POLE: variants seen among roughly 807,000 people sequenced by gnomAD.
POLE encodes DNA polymerase epsilon, catalytic subunit.
A neutral mutation model predicts 279.2 loss-of-function variants in POLE; 188 were observed. The observed-to-expected ratio is 0.67, with a 90% confidence interval of 0.60 to 0.76. The LOEUF (loss-of-function observed/expected upper bound fraction) is 0.76, where lower values mean the gene tolerates loss of function less well. Among genes scored for constraint, POLE ranks in the 30% least tolerant of loss-of-function variants. POLE has a pLI of 0.00. For synonymous variants in POLE, 1,214 were observed against 1,172.5 expected, an observed-to-expected ratio of 1.04 and a Z score of -0.72; for missense variants, 2,703 against 3,016.7, an observed-to-expected ratio of 0.90 and a Z score of 2.44.
chr12:132,635,476 C>T (rs1012440770), intron 42 of POLE, among the ~76,000 whole-genome samples: 1 of 152,240 alleles, frequency 6.6e-6, no homozygotes, highest in African/African-American at 2.4e-5. Context: ...CCACGAAAGC[C>T]GAGGCCCTGC....
intron 12 of POLE, among the ~76,000 whole-genome samples, chr12:132,674,819 C>T (rs1385571080): frequency 6.6e-6 from 1 of 151,316 alleles, no homozygotes; most frequent in Non-Finnish European, 1.5e-5. Flanking sequence ...CCATTCCCTT[C>T]CTTCCCTCCC....
intron 32 of POLE, among the ~76,000 whole-genome samples, chr12:132,647,706 G>T (rs1034730207): frequency 6.6e-6 from 1 of 152,040 alleles, no homozygotes; most frequent in African/African-American, 2.4e-5. Flanking sequence ...GTCATAAAGG[G>T]AAACATCCCA....
rs2138499594 is a variant in POLE at position 132,638,000 on chromosome 12, C to T, written c.5678+14G>A. On this transcript the variant is annotated intron_variant, in intron 41 of 48. Transcript: ENST00000320574. ...AAGCCACAGTGCTGCGTCACCAGGA[C>T]CAGCCAGCCGCACCTGCTGGTGATG... is the stretch of plus-strand genomic sequence containing the variant. 1.2e-6 allele frequency: 2 copies of T among 1,613,230 alleles called. No individual in the cohort carries two copies. The highest frequency in any genetic ancestry group is 1.1e-5 in the South Asian group (1 of 91,022).
intron 45 of POLE, among the ~76,000 whole-genome samples, chr12:132,630,306 A>G (rs1232094569): frequency 6.6e-6 from 1 of 152,226 alleles, no homozygotes; most frequent in Non-Finnish European, 1.5e-5. Flanking sequence ...GAAGCACAAT[A>G]AGACAGGATA....
intron 1 of POLE, among the ~76,000 whole-genome samples, chr12:132,686,806 C>T (rs1181373814): frequency 2.0e-5 from 3 of 152,166 alleles, no homozygotes; most frequent in Non-Finnish European, 2.9e-5. Flanking sequence ...ATCCTGGGCT[C>T]CAGCGATCCG....
In POLE at chr12:132,677,410, CA is replaced by C; in HGVS notation, c.753del (p.Asn251LysfsTer5). On this transcript the variant is annotated frameshift_variant, in exon 8 of 49. Transcript: ENST00000320574. LOFTEE classifies it high-confidence loss of function. Reference sequence around the variant, plus strand: ...CGGCGGGTGATTTCTACCGGAAAAGCATTTCCTCGGTATCTGACATTGTACC... The same window carrying C: ...CGGCGGGTGATTTCTACCGGAAAAGCTTTCCTCGGTATCTGACATTGTACC... ...AHWYNVRYRG[N>X]AFPVEITRRD... The C allele has an allele frequency of 1.9e-6, 3 of 1,614,100 alleles. No individual in the cohort carries two copies. Among genetic ancestry groups the C allele is most frequent in the Non-Finnish European group, 1.7e-6 (2 of 1,179,986 alleles).
chr12:132,626,047 C>A, intron 46 of POLE, 70 bp downstream of exon 46: 1 of 1,439,016 alleles, frequency 6.9e-7, no homozygotes. Context: ...GCTGCAGAAG[C>A]CCTCAAGACA....
At position 132,643,515 on chromosome 12, in the gene POLE, C is replaced by A; in HGVS notation, c.4336G>T (p.Val1446Leu). 1 of 1,614,148 alleles carries A rather than the reference C, an allele frequency of 6.2e-7. No homozygotes were observed. The highest frequency in any genetic ancestry group is 1.1e-5 in the South Asian group (1 of 91,080). ...RALVHLGCVCVVNKQLVRHLS... is the reference protein window; with the variant it reads ...RALVHLGCVCLVNKQLVRHLS... Reference sequence around the variant, plus strand: ...TGCCTCACCAGCTGTTTATTGACCACACACACACAGCCCAGGTGCACCAGG... The same window carrying A: ...TGCCTCACCAGCTGTTTATTGACCAAACACACACAGCCCAGGTGCACCAGG... The change falls in exon 34 of 49, where the codon GTG (valine) becomes TTG (leucine). Residue 1446 changes from valine to leucine, a missense_variant. Coordinates refer to ENST00000320574, the MANE Select transcript of POLE (RefSeq NM_006231.4).
At chr12:132,672,534 G>T in intron 15 of POLE, 93 bp downstream of exon 15, 2 of 1,347,630 alleles carry the variant, frequency 1.5e-6, no homozygotes, top group Non-Finnish European at 2.1e-6. Context: ...GGGACAGGAT[G>T]GGGAGAAGGG....
chr12:132,630,862 T>A (rs998343872), intron 45 of POLE, among the ~76,000 whole-genome samples: 1 of 152,212 alleles, frequency 6.6e-6, no homozygotes. Flanking sequence ...CAGCAACTCT[T>A]GCCACACACT....
At position 132,672,344 on chromosome 12, in the gene POLE, G is replaced by A. The variant is rs200687411; in HGVS notation, c.1687-22C>T. ...GATTCTAGCACAACAGTGAGACGACGGGGTCAGAGGGGAAACACACCCACA... is the reference window on the plus strand; with the variant it reads ...GATTCTAGCACAACAGTGAGACGACAGGGTCAGAGGGGAAACACACCCACA... On this transcript the variant is annotated intron_variant, in intron 15 of 48. Coordinates refer to ENST00000320574, the MANE Select transcript of POLE (RefSeq NM_006231.4). 6.3e-4 allele frequency: 995 copies of A among 1,576,518 alleles called. No individual in the cohort carries two copies. Among genetic ancestry groups the A allele is most frequent in the Middle Eastern group, 1.4e-3 (8 of 5,882 alleles).
chr12:132,640,014 G>A (rs981433959), intron 39 of POLE, among the ~76,000 whole-genome samples: 1 of 152,058 alleles, frequency 6.6e-6, no homozygotes, highest in Non-Finnish European at 1.5e-5. Context: ...ATACCCACAT[G>A]GCCCCAGCTG....
chr12:132,625,392 C>T, intron 47 of POLE: 1 of 746,070 alleles, frequency 1.3e-6, no homozygotes, highest in Non-Finnish European at 2.5e-6. Flanking sequence ...TCCTTCTCTT[C>T]ACACTTGGGA....
chr12:132,683,822 C>G (rs551095154), intron 1 of POLE, among the ~76,000 whole-genome samples: 1 of 152,362 alleles, frequency 6.6e-6, no homozygotes, highest in African/African-American at 2.4e-5. Flanking sequence ...AAACTGCTTT[C>G]TCTGAGCTGT....
chr12:132,647,099 A>C (rs36118826), intron 32 of POLE, among the ~76,000 whole-genome samples: 11,543 of 152,216 alleles, frequency 0.076, 633 homozygotes, highest in Non-Finnish European at 0.12. Flanking sequence ...CTAAGGACCT[A>C]TCAACAACAT....
At chr12:132,673,320 A>C in intron 13 of POLE, 43 bp from the exon 14 acceptor site, 2 of 1,377,182 alleles carry the variant, frequency 1.5e-6, no homozygotes, top group South Asian at 2.3e-5. Flanking sequence ...AAAAATCAAG[A>C]GCCCAGGGTC....
At chr12:132,625,457 A>C (rs374632655) in intron 47 of POLE, 188 bp downstream of exon 47, 7 of 814,310 alleles carry the variant, frequency 8.6e-6, no homozygotes, top group Non-Finnish European at 1.3e-5. Context: ...TCTTGACCCA[A>C]GGCAGGTGCT....
Position 132,677,271 on chromosome 12 carries a change from ATCTT to A in POLE, c.801+88_801+91del, listed in dbSNP as rs1179158158. 2.1e-5 allele frequency: 19 copies of A among 898,420 alleles called. No homozygotes were observed. The African/African-American group carries it at 3.1e-4, about 15-fold the overall frequency. 55.7% of individuals were successfully genotyped at this position (898,420 alleles called of 1,614,324 possible). ...TATTTGGGGGAAAAGCAGCAAACAT[ATCTT>A]TGAGTCAGATTCACTCTCCAGCACT... On this transcript the variant is annotated intron_variant, in intron 8 of 48. Coordinates refer to ENST00000320574, the MANE Select transcript of POLE (RefSeq NM_006231.4).
intron 32 of POLE, among the ~76,000 whole-genome samples, chr12:132,644,725 A>G (rs1425037800): frequency 2.3e-4 from 17 of 72,562 alleles, no homozygotes; most frequent in South Asian, 1.1e-3. Context: ...AGCTTCGTGA[A>G]TGGGGTCCTG....
Sources: gnomAD v4.1 joint callset for allele counts (sites outside exome capture counted in the v4.1 genomes callset) on GRCh38, gnomAD v4.1.1 for gene constraint, MANE v1.5 for transcripts, NCBI Gene and HGNC (gene_info 2026-07-23, HGNC 2026-07-21) for gene names.